Variants in ANGPTL7 observed in about 807,000 individuals in gnomAD.
ANGPTL7 encodes angiopoietin-related protein 7.
Under a neutral mutation model 38.8 loss-of-function variants are expected in ANGPTL7, and 37 were observed. The ratio of observed to expected loss-of-function variants is 0.95; its 90% CI spans 0.73 to 1.25. The LOEUF (loss-of-function observed/expected upper bound fraction) is 1.25, where lower values mean the gene tolerates loss of function less well. ANGPTL7 is among the 50% of genes most tolerant of loss of function. The pLI is 0.00. For synonymous variants in ANGPTL7, 166 were observed against 163.2 expected (o/e 1.02, Z -0.13); for missense variants, 427 against 438.6 (o/e 0.97, Z 0.24).
Position 11,189,493 on chromosome 1 carries a change from G to C in ANGPTL7, c.-87G>C, listed in dbSNP as rs1305775550. 2 of 1,462,904 alleles carry C rather than the reference G, an allele frequency of 1.4e-6. No individual in the cohort carries two copies. The highest frequency in any genetic ancestry group is 1.8e-6 in the Non-Finnish European group (2 of 1,093,592). 90.6% of individuals were successfully genotyped at this position (1,462,904 alleles called of 1,614,324 possible). ...CCTCAGAGTGAAAGCGTAAGGTTCA[G>C]TCAGCCTGCTGCAGCTTTGCAGACC... On this transcript the variant is annotated 5_prime_UTR_variant, in exon 1 of 5. Transcript: ENST00000376819.
rs1424207576 is a variant in ANGPTL7, at chr1:11,195,137, A to T, written c.*114A>T. On this transcript the variant is annotated 3_prime_UTR_variant, in exon 5 of 5. Coordinates refer to ENST00000376819, the MANE Select transcript of ANGPTL7 (RefSeq NM_021146.4). ...AGGGTAGGACTGAGAAACAGCCTAT[A>T]ATCTCCAAAGAAAGAATAAGTCTCC... 3 of 1,139,008 alleles carry T rather than the reference A, an allele frequency of 2.6e-6. No individual in the cohort carries two copies. Among genetic ancestry groups the T allele is most frequent in the Non-Finnish European group, 2.5e-6 (2 of 813,132 alleles). The allele number at this position is 1,139,008 out of a possible 1,614,324, so 70.6% of individuals were successfully genotyped here. A position where few individuals can be genotyped will look rare whatever the true frequency, so the allele number is the denominator to read the frequency against.
chr1:11,194,044 C>T (rs930440123), intron 3 of ANGPTL7, among the ~76,000 whole-genome samples: 6 of 152,166 alleles, frequency 3.9e-5, no homozygotes, highest in East Asian at 1.9e-4. Flanking sequence ...TCAGCTGTGC[C>T]GAACACTAGT....
In ANGPTL7 at chr1:11,193,652, T is replaced by C. The variant is rs1271164082; in HGVS notation, c.550T>C (p.Phe184Leu). 6 of 1,613,848 alleles carry C rather than the reference T, an allele frequency of 3.7e-6. No individual in the cohort carries two copies. The highest frequency in any genetic ancestry group is 4.2e-6 in the Non-Finnish European group (5 of 1,179,942). Residue 184 changes from phenylalanine to leucine, a missense_variant, in exon 3 of 5, where the codon TTC becomes CTC. Phe to Leu is a conservative substitution (Grantham distance 22, BLOSUM62 0). Coordinates refer to ENST00000376819, the MANE Select transcript of ANGPTL7 (RefSeq NM_021146.4). ...IQRRKSGLVS[F>L]YRDWKQYKQG... ...GAGACGAAAAAGTGGCCTTGTCTCC[T>C]TCTACCGGGACTGGAAGCAGTACAA...
intron 1 of ANGPTL7, among the ~76,000 whole-genome samples, chr1:11,191,685 C>G (rs1645536963): frequency 6.6e-6 from 1 of 152,134 alleles, no homozygotes; most frequent in Non-Finnish European, 1.5e-5. Flanking sequence ...AACAAAACTT[C>G]TGGGAGGAAG....
intron 3 of ANGPTL7, 79 bp downstream of exon 3, chr1:11,193,853 C>A: frequency 1.4e-6 from 2 of 1,393,550 alleles, no homozygotes; most frequent in Non-Finnish European, 2.0e-6. Flanking sequence ...GGTGCCATTC[C>A]TATTCTGATT....
intron 1 of ANGPTL7, among the ~76,000 whole-genome samples, chr1:11,191,328 C>A (rs147286221): frequency 1.3e-5 from 2 of 152,230 alleles, no homozygotes; most frequent in Non-Finnish European, 2.9e-5. Flanking sequence ...ACCACTAAGA[C>A]GAAATGAAGA....
intron 2 of ANGPTL7, among the ~76,000 whole-genome samples, chr1:11,193,228 G>A (rs1645620000): frequency 6.6e-6 from 1 of 151,270 alleles, no homozygotes; most frequent in Non-Finnish European, 1.5e-5. Flanking sequence ...GAGAATCACT[G>A]GAACTCAGGA....
At position 11,189,943 on chromosome 1, in the gene ANGPTL7, C is replaced by T; in HGVS notation, c.364C>T (p.Gln122Ter). ...GCTGCAGGCAGCACAGACGGTCACT[C>T]AGACCTCCGCAGGTAAGGAGACCAG... ...MQLQAAQTVTQTSADAIYDCS... is the reference protein window; with the variant it reads ...MQLQAAQTVT The change falls in exon 1 of 5, where the codon CAG becomes TAG. Residue 122 changes from glutamine (Q) to a stop codon, truncating the protein, a stop_gained. Transcript: ENST00000376819. LOFTEE classifies it high-confidence loss of function. The T allele has an allele frequency of 6.2e-7, 1 of 1,608,832 alleles. No homozygotes were observed.
Position 11,189,399 on chromosome 1 carries a change from CAG to C in ANGPTL7, c.-177_-176del. 1.3e-6 allele frequency: 1 copy of C among 758,594 alleles called. No homozygotes were observed. The highest frequency in any genetic ancestry group is 2.1e-6 in the Non-Finnish European group (1 of 470,666). The allele number at this position is 758,594 out of a possible 1,614,324, so 47.0% of individuals were successfully genotyped here. On this transcript the variant is annotated 5_prime_UTR_variant, in exon 1 of 5. Transcript: ENST00000376819. Reference sequence around the variant, plus strand: ...TAGGCTACCCATTCAGCTCCCCTGTCAGAGACTCAAGCTTTGAGAAAGGCTAG... The same window carrying C: ...TAGGCTACCCATTCAGCTCCCCTGTCAGACTCAAGCTTTGAGAAAGGCTAG...
Position 11,192,291 on chromosome 1 carries a change from C to A in ANGPTL7, c.398C>A (p.Ser133Tyr). The A allele has an allele frequency of 1.9e-6, 3 of 1,613,926 alleles. No homozygotes were observed. The highest frequency in any genetic ancestry group is 2.5e-6 in the Non-Finnish European group (3 of 1,179,868). ...GTAGATGCCATCTACGACTGCTCTT[C>A]CCTCTACCAGAAGAACTACCGCATC... ...TSADAIYDCS[S>Y]LYQKNYRISG... Residue 133 changes from serine to tyrosine, a missense_variant, in exon 2 of 5, where the codon TCC (serine) becomes TAC (tyrosine). By Grantham distance (144) the Ser-to-Tyr change is moderately radical (BLOSUM62 -2). Coordinates refer to ENST00000376819, the MANE Select transcript of ANGPTL7 (RefSeq NM_021146.4).
In ANGPTL7 at chr1:11,195,095, G is replaced by C; in HGVS notation, c.*72G>C. ...GACTGGATGAGGGCAGATGAGGACA[G>C]GAAGAGAGTGTTAGAAAGGGTAGGA... On this transcript the variant is annotated 3_prime_UTR_variant, in exon 5 of 5. Coordinates refer to ENST00000376819, the MANE Select transcript of ANGPTL7 (RefSeq NM_021146.4). 1 of 1,495,922 alleles carries C rather than the reference G, an allele frequency of 6.7e-7. No individual in the cohort carries two copies. 92.7% of individuals were successfully genotyped at this position (1,495,922 alleles called of 1,614,324 possible).
chr1:11,192,659 T>C (rs1205593), intron 2 of ANGPTL7, among the ~76,000 whole-genome samples: 113,038 of 151,018 alleles, frequency 0.75, 42,590 homozygotes, highest in East Asian at 0.94. Flanking sequence ...ACAGGAGGAT[T>C]GCTTGAACTC....
chr1:11,193,176 G>A (rs528480293), intron 2 of ANGPTL7, among the ~76,000 whole-genome samples: 3 of 151,886 alleles, frequency 2.0e-5, no homozygotes, highest in Admixed American at 6.6e-5. Context: ...AATTAGCCCA[G>A]TGTGGTGACA....
rs1247601989 is a variant in ANGPTL7, at chr1:11,195,030, G to A, written c.*7G>A. On this transcript the variant is annotated 3_prime_UTR_variant, in exon 5 of 5. Coordinates refer to ENST00000376819, the MANE Select transcript of ANGPTL7 (RefSeq NM_021146.4). ...AGAAGACTTCAAGCCTTAAAAGGAG[G>A]CTGCCGTGGAGCACGGATACAGAAA... The A allele has an allele frequency of 1.9e-6, 3 of 1,612,784 alleles. No homozygotes were observed. In the African/African-American group the frequency reaches 4.0e-5, roughly 22 times the overall value.
intron 3 of ANGPTL7, 48 bp downstream of exon 3, chr1:11,193,822 A>G (rs1250207649): frequency 6.3e-7 from 1 of 1,583,052 alleles, no homozygotes. Flanking sequence ...GCCACCACAC[A>G]TGACCGCGTA....
chr1:11,190,134 C>T (rs1571115175), intron 1 of ANGPTL7, among the ~76,000 whole-genome samples, 179 bp downstream of exon 1: 2 of 152,288 alleles, frequency 1.3e-5, no homozygotes, highest in South Asian at 4.1e-4. Context: ...TACCTAACAC[C>T]TTCACGGGTC....
chr1:11,193,474 C>A, intron 2 of ANGPTL7, 106 bp from the exon 3 acceptor site: 2 of 1,008,506 alleles, frequency 2.0e-6, no homozygotes, highest in Non-Finnish European at 2.9e-6. Context: ...CGGGAGTGCA[C>A]ACATCTACTG....
At chr1:11,192,837 C>T (rs896274137) in intron 2 of ANGPTL7, among the ~76,000 whole-genome samples, 3 of 151,788 alleles carry the variant, frequency 2.0e-5, no homozygotes, top group South Asian at 2.1e-4. Flanking sequence ...TTATGCCCTG[C>T]ACTCCAAACC....
At position 11,189,989 on chromosome 1, in the gene ANGPTL7, T is replaced by TGCC. The variant is rs759749539; in HGVS notation, c.376+35_376+37dup. The TGCC allele has an allele frequency of 4.5e-6, 7 of 1,570,750 alleles. No homozygotes were observed. In the African/African-American group the frequency reaches 9.4e-5, roughly 21 times the overall value. On this transcript the variant is annotated intron_variant, in intron 1 of 4. Coordinates refer to ENST00000376819, the MANE Select transcript of ANGPTL7 (RefSeq NM_021146.4). ...ACCAGTCCCCTGAGGGAGCGTGGAG[T>TGCC]GCCTCCCCATCTACAGCACTGCTTC...
Sources: allele counts gnomAD v4.1 joint callset (sites outside exome capture counted in the v4.1 genomes callset), GRCh38; gene constraint gnomAD v4.1.1; transcripts MANE v1.5; gene names NCBI Gene and HGNC (gene_info 2026-07-23, HGNC 2026-07-21).